Variants in SORCS3 observed in about 807,000 individuals in gnomAD.
SORCS3 encodes the protein sortilin related VPS10 domain containing receptor 3.
In SORCS3, 57 loss-of-function variants were observed where a neutral mutation model predicts 146.3. That is an observed-to-expected ratio of 0.39 (90% CI 0.31 to 0.49). The LOEUF is 0.49. Ranked by LOEUF, SORCS3 falls within the 20% of genes least tolerant of loss-of-function variation. The pLI is 0.92. For synonymous variants in SORCS3, 653 were observed against 618.5 expected, an observed-to-expected ratio of 1.06 and a Z score of -0.83; for missense variants, 1,341 against 1,575.5, an observed-to-expected ratio of 0.85 and a Z score of 2.52.
intron 1 of SORCS3, among the ~76,000 whole-genome samples, chr10:104,660,432 G>A (rs947511918): frequency 1.3e-5 from 2 of 152,164 alleles, no homozygotes; most frequent in Non-Finnish European, 1.5e-5. Flanking sequence ...AAGAAAACAG[G>A]AAACACCCCA....
In SORCS3 at chr10:104,671,325, C is replaced by CTTTTTTTTTTTTTTTTTTT. The variant is rs771029154; in HGVS notation, c.627+29380_627+29398dup. Among the ~76,000 whole-genome samples the CTTTTTTTTTTTTTTTTTTT allele has an allele frequency of 4.1e-3, 79 of 19,202 alleles. 33 individuals carry two copies. Among genetic ancestry groups the CTTTTTTTTTTTTTTTTTTT allele is most frequent in the South Asian group, 0.019 (4 of 214 alleles). 12.6% of individuals were successfully genotyped at this position (19,202 alleles called of 152,430 possible). A position where few individuals can be genotyped will look rare whatever the true frequency, so the allele number is the denominator to read the frequency against. The stretch of plus-strand genomic sequence containing the variant: ...ATGTTAAGGTAGTTTCATTCTTTTC[C>CTTTTTTTTTTTTTTTTTTT]TTTTTTTTTTTTTTTTTTTTTTTTT... On this transcript the variant is annotated intron_variant, in intron 1 of 26. Transcript: ENST00000369701.
intron 1 of SORCS3, among the ~76,000 whole-genome samples, chr10:104,686,704 C>T (rs1055131780): frequency 5.3e-5 from 8 of 152,122 alleles, no homozygotes; most frequent in African/African-American, 1.4e-4. Context: ...CCCTCCTTGT[C>T]ATCAAAACCT....
chr10:105,004,054 A>G (rs1186030013), intron 4 of SORCS3, among the ~76,000 whole-genome samples: 2 of 141,224 alleles, frequency 1.4e-5, no homozygotes, highest in Non-Finnish European at 3.0e-5. Context: ...CAGTTATGGG[A>G]AGTTTCTCAG....
intron 1 of SORCS3, among the ~76,000 whole-genome samples, chr10:104,784,011 C>A (rs1223051926): frequency 6.6e-6 from 1 of 152,228 alleles, no homozygotes; most frequent in Non-Finnish European, 1.5e-5. Context: ...TGGAGATTCA[C>A]AATGCACCTT....
At chr10:104,730,327 C>T (rs554498750) in intron 1 of SORCS3, among the ~76,000 whole-genome samples, 11 of 152,086 alleles carry the variant, frequency 7.2e-5, no homozygotes, top group African/African-American at 2.7e-4. Flanking sequence ...AGGGACACAG[C>T]TGGGACCAGA....
At chr10:105,042,730 G>A in intron 4 of SORCS3, among the ~76,000 whole-genome samples, 1 of 152,060 alleles carries the variant, frequency 6.6e-6, no homozygotes, top group East Asian at 1.9e-4. Flanking sequence ...CAGCTGATGA[G>A]CATTTTTATA....
intron 1 of SORCS3, among the ~76,000 whole-genome samples, chr10:104,783,784 G>T (rs2017402055): frequency 6.6e-6 from 1 of 152,190 alleles, no homozygotes; most frequent in Non-Finnish European, 1.5e-5. Context: ...GAGGCTCAAA[G>T]ATGAATTGTG....
At chr10:104,922,443 A>G (rs1468244305) in intron 3 of SORCS3, among the ~76,000 whole-genome samples, 1 of 152,194 alleles carries the variant, frequency 6.6e-6, no homozygotes, top group African/African-American at 2.4e-5. Context: ...ACATAGACCT[A>G]GGTCTCAAAT....
intron 1 of SORCS3, among the ~76,000 whole-genome samples, chr10:104,715,382 T>A (rs1440908974): frequency 6.6e-6 from 1 of 152,212 alleles, no homozygotes; most frequent in South Asian, 2.1e-4. Flanking sequence ...TTCTTGAGCC[T>A]TTGGACTCCA....
intron 1 of SORCS3, among the ~76,000 whole-genome samples, chr10:104,658,388 A>G (rs1029043620): frequency 6.6e-6 from 1 of 152,206 alleles, no homozygotes; most frequent in Admixed American, 6.5e-5. Flanking sequence ...CTACCTGTAG[A>G]TGAAATTGGT....
intron 2 of SORCS3, among the ~76,000 whole-genome samples, chr10:104,907,032 C>CTG (rs2018913012): frequency 6.6e-6 from 1 of 151,538 alleles, no homozygotes; most frequent in South Asian, 2.1e-4. Context: ...TCTGGATATA[C>CTG]TGTGTGTGTG....
chr10:105,014,886 T>C (rs1174653), intron 4 of SORCS3, among the ~76,000 whole-genome samples: 7,026 of 152,256 alleles, frequency 0.046, 216 homozygotes, highest in East Asian at 0.16. Context: ...CACTAGACAC[T>C]GTATCTGCTG....
At chr10:105,018,300 C>T (rs980170663) in intron 4 of SORCS3, among the ~76,000 whole-genome samples, 12 of 152,358 alleles carry the variant, frequency 7.9e-5, no homozygotes, top group African/African-American at 2.9e-4. Flanking sequence ...AGAGCTCCTT[C>T]CTCTAGCACA....
At chr10:104,883,249 C>A (rs1469066347) in intron 2 of SORCS3, among the ~76,000 whole-genome samples, 2 of 152,150 alleles carry the variant, frequency 1.3e-5, no homozygotes, top group African/African-American at 2.4e-5. Context: ...GCTATCAGAG[C>A]CTTTCAGCAG....
chr10:104,796,989 T>C (rs889613498), intron 1 of SORCS3, among the ~76,000 whole-genome samples: 2 of 152,214 alleles, frequency 1.3e-5, no homozygotes, highest in African/African-American at 2.4e-5. Context: ...CTCTGACACT[T>C]TGAGTGTTCA....
chr10:104,908,239 C>T (rs185080551), intron 2 of SORCS3, among the ~76,000 whole-genome samples: 2 of 152,314 alleles, frequency 1.3e-5, no homozygotes, highest in African/African-American at 2.4e-5. Flanking sequence ...ATTCTCCAGG[C>T]AACTGGGTCT....
intron 3 of SORCS3, among the ~76,000 whole-genome samples, chr10:104,970,263 C>T (rs932804100): frequency 2.6e-5 from 4 of 152,130 alleles, no homozygotes; most frequent in African/African-American, 9.7e-5. Flanking sequence ...TCTCATGCCT[C>T]AGCCTCCTGA....
chr10:105,121,368 G>A (rs1235581225), intron 7 of SORCS3, among the ~76,000 whole-genome samples: 3 of 152,046 alleles, frequency 2.0e-5, no homozygotes, highest in Non-Finnish European at 4.4e-5. Context: ...TTTCTATGGA[G>A]GAAACCAAGT....
intron 5 of SORCS3, among the ~76,000 whole-genome samples, chr10:105,053,583 T>G (rs1223979832): frequency 6.6e-5 from 10 of 151,976 alleles, no homozygotes; most frequent in Non-Finnish European, 1.5e-4. Flanking sequence ...CTTTTTTCCC[T>G]ATTATAATAT....
Sources: gnomAD v4.1 joint callset for allele counts (sites outside exome capture counted in the v4.1 genomes callset) on GRCh38, gnomAD v4.1.1 for gene constraint, MANE v1.5 for transcripts, NCBI Gene and HGNC (gene_info 2026-07-23, HGNC 2026-07-21) for gene names.